SETD2: variants seen among roughly 807,000 people sequenced by gnomAD.
SETD2 encodes the protein histone-lysine N-methyltransferase SETD2.
In SETD2, 31 loss-of-function variants were observed where a neutral mutation model predicts 242.1. The observed-to-expected ratio is 0.13, with a 90% CI of 0.10 to 0.17. The LOEUF (loss-of-function observed/expected upper bound fraction) is 0.17. Ranked by LOEUF, SETD2 falls within the 10% of genes least tolerant of loss-of-function variation. The pLI, the probability that SETD2 is intolerant of heterozygous loss-of-function variation, is 1.00. For synonymous variants in SETD2, 1,006 were observed against 1,066.5 expected (o/e 0.94, Z 1.11); for missense variants, 2,481 against 3,046.3 (o/e 0.81, Z 4.37).
At chr3:47,104,844 G>T (rs1220567543) in intron 6 of SETD2, among the ~76,000 whole-genome samples, 1 of 152,150 alleles carries the variant, frequency 6.6e-6, no homozygotes, top group African/African-American at 2.4e-5. Context: ...GGCCAATCTG[G>T]GCCAACACTC....
chr3:47,128,685 A>C (rs2043406847), intron 1 of SETD2, among the ~76,000 whole-genome samples: 1 of 152,196 alleles, frequency 6.6e-6, no homozygotes. Flanking sequence ...TAAAAACCTC[A>C]TAAATGTGAT....
intron 8 of SETD2, among the ~76,000 whole-genome samples, chr3:47,100,585 A>G (rs528488828): frequency 6.6e-6 from 1 of 152,156 alleles, no homozygotes; most frequent in South Asian, 2.1e-4. Context: ...TCATTAGAAC[A>G]CAGGGATTTT....
Position 47,123,222 on chromosome 3 carries a change from G to A in SETD2, c.1414C>T (p.Arg472Cys), listed in dbSNP as rs771203643. ...EEEYKKTYSR[R>C]TSSHSSSYRD... ...TAAGAAGAGGAATGAGATGAGGTAC[G>A]CCTTGAGTATGTCTTCTTATACTCT... Residue 472 changes from arginine to cysteine, a missense_variant, in exon 3 of 21, where the codon CGT (arginine) becomes TGT (cysteine). Physicochemically the swap from Arg to Cys is radical, Grantham distance 180. Transcript: ENST00000409792. The A allele has an allele frequency of 2.2e-5, 34 of 1,565,190 alleles. No individual in the cohort carries two copies. The highest frequency in any genetic ancestry group is 2.1e-4 in the Admixed American group (11 of 52,264).
intron 1 of SETD2, among the ~76,000 whole-genome samples, chr3:47,132,472 G>A (rs2043501948): frequency 6.6e-6 from 1 of 152,146 alleles, no homozygotes; most frequent in Non-Finnish European, 1.5e-5. Context: ...AGAAGATAGA[G>A]GGAGACTCTG....
At chr3:47,108,316 C>T (rs1251783870) in intron 5 of SETD2, among the ~76,000 whole-genome samples, 1 of 152,078 alleles carries the variant, frequency 6.6e-6, no homozygotes, top group Non-Finnish European at 1.5e-5. Context: ...CCTAAACTTA[C>T]TCATTTAAGG....
At chr3:47,135,855 T>G (rs940164938) in intron 1 of SETD2, among the ~76,000 whole-genome samples, 2 of 152,114 alleles carry the variant, frequency 1.3e-5, no homozygotes, top group Admixed American at 6.6e-5. Flanking sequence ...TCAGTCTCTC[T>G]CTCTTTCCTC....
At chr3:47,077,633 C>T (rs1488974944) in intron 12 of SETD2, among the ~76,000 whole-genome samples, 1 of 152,102 alleles carries the variant, frequency 6.6e-6, no homozygotes, top group African/African-American at 2.4e-5. Context: ...AATCTACTGA[C>T]GGGTCCTAGA....
At chr3:47,153,384 GACA>G (rs1312702609) in intron 1 of SETD2, among the ~76,000 whole-genome samples, 1 of 152,090 alleles carries the variant, frequency 6.6e-6, no homozygotes, top group Admixed American at 6.6e-5. Context: ...ATGGAAAAAT[GACA>G]ACAACAAACC....
In SETD2 at chr3:47,121,756, T is replaced by C. The variant is rs1247352821; in HGVS notation, c.2880A>G (p.Gln960=). 5.6e-6 allele frequency: 9 copies of C among 1,614,162 alleles called. No homozygotes were observed. The highest frequency in any genetic ancestry group is 2.2e-5 in the South Asian group (2 of 91,080). Residue 960 remains glutamine (Q), a synonymous_variant, in exon 3 of 21, where the codon CAA becomes CAG. Transcript: ENST00000409792. ...TGGAATTCCCTTCTTCTTGAGCCTC[T>C]TGCAAACATTTCCCAGATAACCCAT... ...RNNGLSGKCL[Q]EAQEEGNSIL... is the part of the protein sequence containing the mutation.
Position 47,017,445 on chromosome 3 carries a change from A to G in SETD2, c.7534-191T>C, listed in dbSNP as rs568921177. Among the ~76,000 whole-genome samples the G allele has an allele frequency of 6.6e-6, 1 of 152,054 alleles. No homozygotes were observed. Among genetic ancestry groups the G allele is most frequent in the Non-Finnish European group, 1.5e-5 (1 of 67,990 alleles). The stretch of plus-strand genomic sequence containing the variant: ...AGAAAGGACAAGCTGAGCTCTGAAA[A>G]TTTCTTAGAGAACTACTGCTGTCAT... On this transcript the variant is annotated intron_variant, in intron 20 of 20. Transcript: ENST00000409792. The surrounding 1 kb of genome is among the most constrained non-coding windows in gnomAD (Gnocchi z 4.8).
chr3:47,074,001 T>A (rs1420171364), intron 12 of SETD2, among the ~76,000 whole-genome samples: 1 of 152,250 alleles, frequency 6.6e-6, no homozygotes, highest in Non-Finnish European at 1.5e-5. Context: ...CCAACATGCA[T>A]ATTCCTACGT....
rs775259096 is a variant in SETD2 at position 47,050,723 on chromosome 3, C to CTTTTTTTTTTTTTTTTT, written c.6964-4119_6964-4103dup. Among the ~76,000 whole-genome samples the CTTTTTTTTTTTTTTTTT allele has an allele frequency of 4.2e-4, 28 of 66,882 alleles. 6 individuals are homozygous for CTTTTTTTTTTTTTTTTT. Among genetic ancestry groups the CTTTTTTTTTTTTTTTTT allele is most frequent in the South Asian group, 1.4e-3 (2 of 1,476 alleles). The allele number at this position is 66,882 out of a possible 152,430, so 43.9% of individuals were successfully genotyped here. On this transcript the variant is annotated intron_variant, in intron 15 of 20. Transcript: ENST00000409792. ...CTCAACCTGTATACATTTCCTCTCT[C>CTTTTTTTTTTTTTTTTT]TTTTTTTTTTTTTTTTTTTTTTTTT... is the stretch of plus-strand genomic sequence containing the variant.
chr3:47,147,374 G>A (rs2106812322), intron 1 of SETD2, among the ~76,000 whole-genome samples: 1 of 146,932 alleles, frequency 6.8e-6, no homozygotes, highest in Non-Finnish European at 1.5e-5. Flanking sequence ...CCAGGATGGA[G>A]TGCAGTGACG....
At chr3:47,036,619 G>A (rs760271274) in intron 18 of SETD2, among the ~76,000 whole-genome samples, 31 of 151,848 alleles carry the variant, frequency 2.0e-4, no homozygotes, top group Non-Finnish European at 3.1e-4. Flanking sequence ...AATGCAAAGA[G>A]AGGCCGGGCG....
At chr3:47,147,233 G>A (rs1016179482) in intron 1 of SETD2, among the ~76,000 whole-genome samples, 7 of 151,384 alleles carry the variant, frequency 4.6e-5, no homozygotes, top group Admixed American at 2.0e-4. Context: ...GGCTGGTCTC[G>A]AATTCCTGAC....
Position 47,164,012 on chromosome 3 carries a change from C to CGCG in SETD2, c.-91_-89dup, listed in dbSNP as rs76496241. Reference sequence around the variant, plus strand: ...GAGGGGAGGAGGCCGCAGGTCCGACCGCGGCGGCGGCGGCGGCGGCGGCGG... The same window carrying CGCG: ...GAGGGGAGGAGGCCGCAGGTCCGACCGCGGCGGCGGCGGCGGCGGCGGCGGCGG... On this transcript the variant is annotated 5_prime_UTR_variant, in exon 1 of 21. Coordinates refer to ENST00000409792, the MANE Select transcript of SETD2 (RefSeq NM_014159.7). The surrounding 1 kb of genome is among the most constrained non-coding windows in gnomAD (Gnocchi z 5.4). 8.5e-3 allele frequency: 10,145 copies of CGCG among 1,191,714 alleles called. 40 individuals are homozygous for CGCG. Among genetic ancestry groups the CGCG allele is most frequent in the Admixed American group, 0.018 (411 of 22,286 alleles). 73.8% of individuals were successfully genotyped at this position (1,191,714 alleles called of 1,614,324 possible). A position where few individuals can be genotyped will look rare whatever the true frequency, so the allele number is the denominator to read the frequency against.
Position 47,164,017 on chromosome 3 carries a change from CGGCGGCGGCG to C in SETD2, c.-103_-94del. 2 of 40,116 alleles carry C rather than the reference CGGCGGCGGCG, an allele frequency of 5.0e-5. No individual in the cohort carries two copies. Among genetic ancestry groups the C allele is most frequent in the East Asian group, 4.7e-4 (1 of 2,146 alleles). 2.5% of individuals were successfully genotyped at this position (40,116 alleles called of 1,614,324 possible). A position where few individuals can be genotyped will look rare whatever the true frequency, so the allele number is the denominator to read the frequency against. On this transcript the variant is annotated 5_prime_UTR_variant, in exon 1 of 21. Coordinates refer to ENST00000409792, the MANE Select transcript of SETD2 (RefSeq NM_014159.7). This position sits in a 1 kb window ranked among gnomAD's most constrained non-coding sequence, Gnocchi z 5.4. ...GAGGAGGCCGCAGGTCCGACCGCGGCGGCGGCGGCGGCGGCGGCGGCGGCGGCAGGGGCGG... is the reference window on the plus strand; with the variant it reads ...GAGGAGGCCGCAGGTCCGACCGCGGCGCGGCGGCGGCGGCGGCAGGGGCGG...
chr3:47,154,243 T>C (rs2044071896), intron 1 of SETD2, among the ~76,000 whole-genome samples: 1 of 151,856 alleles, frequency 6.6e-6, no homozygotes, highest in African/African-American at 2.4e-5. Context: ...ACCCCGTCTC[T>C]ACTAAAAATA....
At position 47,121,035 on chromosome 3, in the gene SETD2, C is replaced by G. The variant is rs749181159; in HGVS notation, c.3601G>C (p.Glu1201Gln). 20 of 1,614,180 alleles carry G rather than the reference C, an allele frequency of 1.2e-5. No homozygotes were observed. The highest frequency in any genetic ancestry group is 1.5e-5 in the Non-Finnish European group (18 of 1,180,014). Reference sequence around the variant, plus strand: ...AAATCAGAAGAATAAATTGGCAGCTCTTCTTGCTGCCTAGAAGGTATTTTG... The same window carrying G: ...AAATCAGAAGAATAAATTGGCAGCTGTTCTTGCTGCCTAGAAGGTATTTTG... ...KAKIPSRQQEELPIYSSDFED... is the reference protein window; with the variant it reads ...KAKIPSRQQEQLPIYSSDFED... The change falls in exon 3 of 21, where the codon GAG becomes CAG. Residue 1201 changes from glutamate (E) to glutamine (Q), a missense_variant. Transcript: ENST00000409792.
Sources: gnomAD v4.1 joint callset for allele counts (sites outside exome capture counted in the v4.1 genomes callset) on GRCh38, gnomAD v4.1.1 for gene constraint, Gnocchi (gnomAD v3.1) non-coding constraint, MANE v1.5 for transcripts, NCBI Gene and HGNC (gene_info 2026-07-23, HGNC 2026-07-21) for gene names.